Variants in RGS12 observed in about 807,000 individuals in gnomAD.
RGS12 encodes the protein regulator of G protein signaling 12.
RGS12 carries 66 observed loss-of-function variants against 120.1 expected under a neutral mutation model. That is an observed-to-expected ratio of 0.55 (90% CI 0.45 to 0.67). RGS12 has a LOEUF of 0.67. Ranked by LOEUF, RGS12 falls within the 30% of genes least tolerant of loss-of-function variation. The pLI, the probability that RGS12 is intolerant of heterozygous loss-of-function variation, is 0.00. For synonymous variants in RGS12, 827 were observed against 804.7 expected, an observed-to-expected ratio of 1.03 and a Z score of -0.47; for missense variants, 1,859 against 1,957.7, an observed-to-expected ratio of 0.95 and a Z score of 0.95.
At chr4:3,373,932 T>C (rs1360827910) in intron 3 of RGS12, among the ~76,000 whole-genome samples, 1 of 152,248 alleles carries the variant, frequency 6.6e-6, no homozygotes, top group Non-Finnish European at 1.5e-5. Context: ...CTTCTTTTCA[T>C]TAAGAAATTG....
intron 2 of RGS12, chr4:3,342,295 G>T (rs1713313263): frequency 1.5e-6 from 1 of 675,252 alleles, no homozygotes; most frequent in Non-Finnish European, 1.9e-6. Flanking sequence ...TGATTTGCTG[G>T]AGCCAGCTTC....
rs1045343767 is a variant in RGS12 at position 3,300,343 on chromosome 4, A to G, written c.-102+7244A>G. On this transcript the variant is annotated intron_variant, in intron 1 of 17. Coordinates refer to ENST00000336727, the MANE Select transcript of RGS12 (RefSeq NM_001394154.1). Reference sequence around the variant, plus strand: ...TGCCCCGCCTGCCAGAGCGCCCTGCACTCCAGGGGCCTGGAGTCCAGCCTG... The same window carrying G: ...TGCCCCGCCTGCCAGAGCGCCCTGCGCTCCAGGGGCCTGGAGTCCAGCCTG... Among the ~76,000 whole-genome samples, 8 of 151,792 alleles carry G rather than the reference A, an allele frequency of 5.3e-5. No individual in the cohort carries two copies. The East Asian group carries it at 1.6e-3, about 30-fold the overall frequency.
intron 3 of RGS12, among the ~76,000 whole-genome samples, chr4:3,371,605 GC>G (rs1424141573): frequency 6.6e-6 from 1 of 152,156 alleles, no homozygotes; most frequent in African/African-American, 2.4e-5. Flanking sequence ...TTGGAATCTG[GC>G]TGATGTGGTC....
intron 4 of RGS12, among the ~76,000 whole-genome samples, chr4:3,394,882 AGACT>A (rs929601350): frequency 7.9e-5 from 12 of 152,214 alleles, no homozygotes; most frequent in African/African-American, 1.9e-4. Flanking sequence ...AAAAAAAAGA[AGACT>A]GACTGGGCAC....
intron 17 of RGS12, 74 bp downstream of exon 17, chr4:3,431,029 G>A (rs1344596039): frequency 6.5e-7 from 1 of 1,544,154 alleles, no homozygotes; most frequent in Admixed American, 1.9e-5. Flanking sequence ...AGAAAGGACA[G>A]TGGGCCCCCG....
chr4:3,348,208 T>C (rs1714006229), intron 3 of RGS12, among the ~76,000 whole-genome samples: 1 of 152,178 alleles, frequency 6.6e-6, no homozygotes, highest in African/African-American at 2.4e-5. Context: ...AGGTCACTAT[T>C]AGATAATAGT....
chr4:3,410,991 C>T (rs1043260976), intron 4 of RGS12, among the ~76,000 whole-genome samples: 2 of 152,236 alleles, frequency 1.3e-5, no homozygotes, highest in African/African-American at 4.8e-5. Flanking sequence ...AGATTTGCGC[C>T]TCTGTGCCGT....
At chr4:3,387,843 C>T (rs1050832640) in intron 4 of RGS12, among the ~76,000 whole-genome samples, 6 of 152,206 alleles carry the variant, frequency 3.9e-5, no homozygotes, top group African/African-American at 1.4e-4. Flanking sequence ...TGTTTAGTTT[C>T]ACCATATATA....
intron 1 of RGS12, among the ~76,000 whole-genome samples, chr4:3,298,035 T>C (rs1384651082): frequency 1.3e-5 from 2 of 152,212 alleles, no homozygotes; most frequent in African/African-American, 4.8e-5. Flanking sequence ...TCATTGCATT[T>C]GGTTTCTGTG....
intron 3 of RGS12, among the ~76,000 whole-genome samples, chr4:3,356,245 G>T (rs1714890674): frequency 6.6e-6 from 1 of 151,862 alleles, no homozygotes; most frequent in Non-Finnish European, 1.5e-5. Flanking sequence ...TGTAGAGACA[G>T]GGTTTCACCA....
chr4:3,286,229 C>T, the RGS12 span, among the ~76,000 whole-genome samples: 2 of 152,208 alleles, frequency 1.3e-5, no homozygotes, highest in Non-Finnish European at 2.9e-5. Flanking sequence ...AGAGGCCACT[C>T]GGCCACCCTA....
chr4:3,335,429 C>T (rs935180968), intron 2 of RGS12, among the ~76,000 whole-genome samples: 2 of 152,226 alleles, frequency 1.3e-5, no homozygotes, highest in Non-Finnish European at 2.9e-5. Context: ...ACTCAGCTTA[C>T]TGCCCTCAGC....
At chr4:3,436,878 G>A (rs1577114616) in intron 17 of RGS12, among the ~76,000 whole-genome samples, 2 of 152,080 alleles carry the variant, frequency 1.3e-5, no homozygotes, top group South Asian at 4.1e-4. Flanking sequence ...AGCCAGCCGA[G>A]GGCAGGGAGC....
intron 2 of RGS12, among the ~76,000 whole-genome samples, chr4:3,330,338 A>G (rs1458867064): frequency 6.6e-6 from 1 of 152,216 alleles, no homozygotes; most frequent in East Asian, 1.9e-4. Flanking sequence ...TGGGTTTGCC[A>G]GGAGGTCTTT....
intron 5 of RGS12, 106 bp downstream of exon 5, chr4:3,414,347 G>GAGC: frequency 1.5e-6 from 2 of 1,293,640 alleles, no homozygotes; most frequent in Non-Finnish European, 2.1e-6. Flanking sequence ...TGCGGGCCCT[G>GAGC]AGCAGCCCCG....
intron 4 of RGS12, among the ~76,000 whole-genome samples, chr4:3,408,008 G>C (rs1215536754): frequency 6.6e-6 from 1 of 152,208 alleles, no homozygotes; most frequent in African/African-American, 2.4e-5. Context: ...CCGTAAACTG[G>C]ACCGTGTTCT....
At chr4:3,398,893 A>G (rs1479871599) in intron 4 of RGS12, among the ~76,000 whole-genome samples, 9 of 152,256 alleles carry the variant, frequency 5.9e-5, no homozygotes, top group Non-Finnish European at 1.3e-4. Context: ...AATATGCCAC[A>G]CATGCAGTTG....
chr4:3,326,005 T>C (rs1725531503), intron 2 of RGS12, among the ~76,000 whole-genome samples: 1 of 151,902 alleles, frequency 6.6e-6, no homozygotes, highest in Non-Finnish European at 1.5e-5. Context: ...AAACAAAATA[T>C]AGAAGGAATA....
rs1034311135 is a variant in RGS12 at position 3,434,630 on chromosome 4, G to A, written c.4114+3675G>A. On this transcript the variant is annotated intron_variant, in intron 17 of 17. Coordinates refer to ENST00000336727, the MANE Select transcript of RGS12 (RefSeq NM_001394154.1). Reference sequence around the variant, plus strand: ...CTTCCACCCCTGCACAGAAGCAGACGTCTGCGCTTTGTGTTTTCACAAAGG... The same window carrying A: ...CTTCCACCCCTGCACAGAAGCAGACATCTGCGCTTTGTGTTTTCACAAAGG... 3.3e-5 allele frequency among the ~76,000 whole-genome samples: 5 copies of A among 152,326 alleles called. No individual in the cohort carries two copies. The East Asian group carries it at 5.8e-4, about 18-fold the overall frequency.
Sources: allele counts gnomAD v4.1 joint callset (sites outside exome capture counted in the v4.1 genomes callset), GRCh38; gene constraint gnomAD v4.1.1; transcripts MANE v1.5; gene names NCBI Gene and HGNC (gene_info 2026-07-23, HGNC 2026-07-21).